Variants in SPAG16 observed in about 807,000 individuals in gnomAD.
The protein encoded by SPAG16 is sperm associated antigen 16.
In SPAG16, 86 loss-of-function variants were observed where a neutral mutation model predicts 80.4. The observed-to-expected ratio is 1.07, with a 90% CI of 0.90 to 1.28. SPAG16 has a LOEUF of 1.28. Ranked by LOEUF, SPAG16 falls within the 50% of genes most tolerant of loss-of-function variation. The pLI, the probability that SPAG16 is intolerant of heterozygous loss-of-function variation, is 0.00. For synonymous variants in SPAG16, 294 were observed against 265.9 expected, an observed-to-expected ratio of 1.11 and a Z score of -1.03; for missense variants, 870 against 765.3, an observed-to-expected ratio of 1.14 and a Z score of -1.61.
At chr2:213,335,292 T>G (rs1017186190) in intron 5 of SPAG16, among the ~76,000 whole-genome samples, 37 of 152,150 alleles carry the variant, frequency 2.4e-4, no homozygotes, top group Non-Finnish European at 5.1e-4. Context: ...ATCTAAAAAT[T>G]GGAAGATGGA....
At chr2:214,278,549 G>C (rs1040446030) in intron 15 of SPAG16, among the ~76,000 whole-genome samples, 4 of 152,144 alleles carry the variant, frequency 2.6e-5, no homozygotes, top group Admixed American at 1.3e-4. Context: ...GCTACTGTGG[G>C]ACTGATCTAG....
At chr2:214,128,129 G>A (rs2054586039) in intron 14 of SPAG16, among the ~76,000 whole-genome samples, 1 of 151,726 alleles carries the variant, frequency 6.6e-6, no homozygotes, top group African/African-American at 2.4e-5. Flanking sequence ...AATAACTATG[G>A]CATAAGTGCC....
At chr2:213,639,685 T>C (rs2062512249) in intron 10 of SPAG16, among the ~76,000 whole-genome samples, 1 of 152,352 alleles carries the variant, frequency 6.6e-6, no homozygotes, top group Non-Finnish European at 1.5e-5. Context: ...CTTTCCTTTG[T>C]CTTGACTTTA....
intron 11 of SPAG16, among the ~76,000 whole-genome samples, chr2:213,871,871 CACACACACAG>C (rs748955914): frequency 1.5e-3 from 48 of 33,098 alleles, no homozygotes; most frequent in East Asian, 7.3e-3. Context: ...CACACACACA[CACACACACAG>C]AGAGAGAGAG....
At chr2:213,610,750 C>A (rs2061416393) in intron 10 of SPAG16, among the ~76,000 whole-genome samples, 5 of 152,016 alleles carry the variant, frequency 3.3e-5, no homozygotes, top group Admixed American at 3.3e-4. Flanking sequence ...ACCCTAGGTA[C>A]AATGCTTGTA....
intron 13 of SPAG16, among the ~76,000 whole-genome samples, chr2:214,016,144 A>G (rs531610121): frequency 2.6e-5 from 4 of 152,218 alleles, no homozygotes; most frequent in Admixed American, 2.6e-4. Context: ...TTTGATTTTA[A>G]TAAAAGTGTT....
intron 9 of SPAG16, among the ~76,000 whole-genome samples, chr2:213,476,773 T>C (rs1463241533): frequency 2.0e-5 from 3 of 151,960 alleles, no homozygotes; most frequent in African/African-American, 7.3e-5. Flanking sequence ...TTAGCTCAGG[T>C]AGTGGAAGGG....
chr2:213,859,654 A>G (rs1294858592), intron 10 of SPAG16, among the ~76,000 whole-genome samples: 1 of 152,194 alleles, frequency 6.6e-6, no homozygotes, highest in Non-Finnish European at 1.5e-5. Flanking sequence ...TAAAATTATG[A>G]GTCTTAAAGC....
rs1459149567 is a variant in SPAG16, at chr2:213,905,655, TC to T, written c.1215-24304del. Among the ~76,000 whole-genome samples, 3 of 152,208 alleles carry T rather than the reference TC, an allele frequency of 2.0e-5. No homozygotes were observed. The East Asian group carries it at 5.8e-4, about 29-fold the overall frequency. ...ATTTCCTGCCCCCTATGTATTACATTCTATTGGCAGGGAGAGAGACAATAAA... is the reference window on the plus strand; with the variant it reads ...ATTTCCTGCCCCCTATGTATTACATTTATTGGCAGGGAGAGAGACAATAAA... On this transcript the variant is annotated intron_variant, in intron 11 of 15. Transcript: ENST00000331683.
chr2:213,988,105 G>T (rs749544707), intron 12 of SPAG16, among the ~76,000 whole-genome samples: 1 of 151,856 alleles, frequency 6.6e-6, no homozygotes, highest in African/African-American at 2.4e-5. Context: ...TGAGATAACT[G>T]CCTAAACTGT....
intron 13 of SPAG16, among the ~76,000 whole-genome samples, chr2:214,015,461 G>A (rs914251591): frequency 9.9e-5 from 15 of 152,018 alleles, no homozygotes; most frequent in East Asian, 1.9e-4. Context: ...GGCTGGGTGC[G>A]GTGGTGCATG....
At chr2:213,411,964 T>A (rs1374797640) in intron 9 of SPAG16, among the ~76,000 whole-genome samples, 1 of 151,956 alleles carries the variant, frequency 6.6e-6, no homozygotes, top group East Asian at 1.9e-4. Context: ...TAGATATGGG[T>A]TCTAAATTTC....
At chr2:214,044,322 C>T (rs1391336728) in intron 13 of SPAG16, among the ~76,000 whole-genome samples, 1 of 152,160 alleles carries the variant, frequency 6.6e-6, no homozygotes, top group Non-Finnish European at 1.5e-5. Flanking sequence ...GTTCATCTTT[C>T]CATTCATAAA....
chr2:214,349,740 ATGTAGTGTTGTCAATC>A (rs1278485806), intron 15 of SPAG16, among the ~76,000 whole-genome samples: 1 of 152,210 alleles, frequency 6.6e-6, no homozygotes, highest in African/African-American at 2.4e-5. Context: ...TCATATCAAA[ATGTAGTGTTGTCAATC>A]TTTTTTGTTT....
At chr2:214,162,183 C>T (rs1027213093) in intron 15 of SPAG16, among the ~76,000 whole-genome samples, 2 of 152,106 alleles carry the variant, frequency 1.3e-5, no homozygotes, top group African/African-American at 2.4e-5. Flanking sequence ...TTCCTGGGCT[C>T]AGCCTAATGC....
At chr2:213,354,063 G>T (rs937209848) in intron 7 of SPAG16, among the ~76,000 whole-genome samples, 12 of 152,148 alleles carry the variant, frequency 7.9e-5, no homozygotes, top group Admixed American at 5.9e-4. Flanking sequence ...AGGCCCTGGT[G>T]TGTGACGCTC....
chr2:213,951,069 C>T (rs1575630541), intron 12 of SPAG16, among the ~76,000 whole-genome samples: 1 of 150,354 alleles, frequency 6.7e-6, no homozygotes. Context: ...AATATTTTTC[C>T]TCTGAAGCAC....
chr2:213,528,166 T>C (rs2075953913), intron 10 of SPAG16, among the ~76,000 whole-genome samples: 1 of 152,174 alleles, frequency 6.6e-6, no homozygotes, highest in Non-Finnish European at 1.5e-5. Flanking sequence ...ACCTCTTCCA[T>C]GGCCAAAGGG....
Position 213,583,198 on chromosome 2 carries a change from C to G in SPAG16, c.1070+93108C>G, listed in dbSNP as rs566517207. 7.2e-5 allele frequency among the ~76,000 whole-genome samples: 11 copies of G among 152,196 alleles called. No individual in the cohort carries two copies. In the East Asian group the frequency reaches 1.9e-3, roughly 27 times the overall value. On this transcript the variant is annotated intron_variant, in intron 10 of 15. Coordinates refer to ENST00000331683, the MANE Select transcript of SPAG16 (RefSeq NM_024532.5). ...TTTCAGATAATTTTTGCCAATAATGCATTTTCCATGGAAAAAACAGGCTCC... is the reference window on the plus strand; with the variant it reads ...TTTCAGATAATTTTTGCCAATAATGGATTTTCCATGGAAAAAACAGGCTCC...
Sources: gnomAD v4.1 joint callset for allele counts (sites outside exome capture counted in the v4.1 genomes callset) on GRCh38, gnomAD v4.1.1 for gene constraint, MANE v1.5 for transcripts, NCBI Gene and HGNC (gene_info 2026-07-23, HGNC 2026-07-21) for gene names.